Variants in DNAJC12 observed in about 807,000 individuals in gnomAD.
DNAJC12 encodes DnaJ heat shock protein family (Hsp40) member C12.
In DNAJC12, 25 loss-of-function variants were observed where a neutral mutation model predicts 28.5. That is an observed-to-expected ratio of 0.88 (90% CI 0.64 to 1.22). The LOEUF is 1.22. Ranked by LOEUF, DNAJC12 falls within the 50% of genes most tolerant of loss-of-function variation. The probability of loss-of-function intolerance (pLI) is 0.00; values close to 1 mark genes in which losing one functional copy is unlikely to be tolerated. For synonymous variants in DNAJC12, 77 were observed against 80.6 expected, an observed-to-expected ratio of 0.95 and a Z score of 0.24; for missense variants, 222 against 231.7, an observed-to-expected ratio of 0.96 and a Z score of 0.27.
chr10:67,827,973 C>G (rs144622114), intron 1 of DNAJC12, among the ~76,000 whole-genome samples: 2 of 152,242 alleles, frequency 1.3e-5, no homozygotes, highest in Non-Finnish European at 2.9e-5. Flanking sequence ...TCTGGCCTCC[C>G]TACTCCATGT....
chr10:67,821,235 G>A (rs1260428993), intron 2 of DNAJC12, among the ~76,000 whole-genome samples: 2 of 152,102 alleles, frequency 1.3e-5, no homozygotes, highest in African/African-American at 4.8e-5. Context: ...TAAGATATAA[G>A]GCCAGGCACA....
At chr10:67,821,021 G>A (rs1256598181) in intron 2 of DNAJC12, among the ~76,000 whole-genome samples, 3 of 151,388 alleles carry the variant, frequency 2.0e-5, no homozygotes, top group Non-Finnish European at 4.4e-5. Flanking sequence ...GACCTCAGGT[G>A]GTCCACCCAC....
chr10:67,804,665 G>A (rs1305905365), intron 4 of DNAJC12, among the ~76,000 whole-genome samples: 1 of 152,168 alleles, frequency 6.6e-6, no homozygotes. Context: ...GTAGCCAGGA[G>A]GTAAACTTCT....
intron 1 of DNAJC12, 108 bp downstream of exon 1, chr10:67,837,826 T>C (rs1842154411): frequency 4.0e-6 from 3 of 751,008 alleles, no homozygotes; most frequent in Non-Finnish European, 6.2e-6. Flanking sequence ...AAGGTTAGGT[T>C]TGTAGGCAAT....
chr10:67,815,244 T>C (rs1194226184), intron 2 of DNAJC12, among the ~76,000 whole-genome samples: 1 of 152,048 alleles, frequency 6.6e-6, no homozygotes, highest in Non-Finnish European at 1.5e-5. Context: ...CACGGTGGCT[T>C]ACACCTGTAA....
chr10:67,819,326 A>C (rs2131803848), intron 2 of DNAJC12, among the ~76,000 whole-genome samples: 1 of 151,540 alleles, frequency 6.6e-6, no homozygotes, highest in Admixed American at 6.6e-5. Flanking sequence ...CAGAGCGAGA[A>C]GCCGTCTCAA....
chr10:67,811,975 T>C (rs139571532), intron 2 of DNAJC12, among the ~76,000 whole-genome samples: 3 of 152,298 alleles, frequency 2.0e-5, no homozygotes, highest in Non-Finnish European at 4.4e-5. Context: ...TTGTAAACAT[T>C]GAAAAAATAC....
chr10:67,817,939 A>G (rs996829902), intron 2 of DNAJC12, among the ~76,000 whole-genome samples: 1 of 152,124 alleles, frequency 6.6e-6, no homozygotes, highest in Non-Finnish European at 1.5e-5. Flanking sequence ...ACAGCAGCTT[A>G]TCCCTGTAAT....
intron 4 of DNAJC12, among the ~76,000 whole-genome samples, chr10:67,801,938 T>C (rs1841750919): frequency 7.4e-6 from 1 of 134,502 alleles, no homozygotes; most frequent in Non-Finnish European, 1.5e-5. Context: ...CATAGCTCAC[T>C]GCAGCTTCAA....
In DNAJC12 at chr10:67,832,956, A is replaced by G. The variant is rs555100923; in HGVS notation, c.78+4978T>C. On this transcript the variant is annotated intron_variant, in intron 1 of 4. Transcript: ENST00000225171. ...CATCACTTCTGAGGAGTTCTTTCCAAAAATGCATAACCTCAATCTAATCAT... is the reference window on the plus strand; with the variant it reads ...CATCACTTCTGAGGAGTTCTTTCCAGAAATGCATAACCTCAATCTAATCAT... Among the ~76,000 whole-genome samples the G allele has an allele frequency of 8.5e-5, 13 of 152,310 alleles. No individual in the cohort carries two copies. In the East Asian group the frequency reaches 2.5e-3, roughly 29 times the overall value.
chr10:67,797,472 G>C (rs1280910643), intron 4 of DNAJC12, among the ~76,000 whole-genome samples: 2 of 152,100 alleles, frequency 1.3e-5, no homozygotes, highest in Non-Finnish European at 2.9e-5. Context: ...TGCCTCTGGT[G>C]GTGGGGAATT....
intron 4 of DNAJC12, among the ~76,000 whole-genome samples, chr10:67,803,171 T>C (rs980705531): frequency 6.6e-6 from 1 of 151,736 alleles, no homozygotes; most frequent in African/African-American, 2.4e-5. Context: ...AAAAAAAAAA[T>C]TTTATGAGGT....
intron 2 of DNAJC12, among the ~76,000 whole-genome samples, chr10:67,814,809 G>A (rs559406079): frequency 2.0e-5 from 3 of 152,140 alleles, no homozygotes; most frequent in Admixed American, 2.0e-4. Flanking sequence ...ACCATAGTGA[G>A]ATACCACTTT....
At chr10:67,823,513 C>A (rs990325161) in intron 1 of DNAJC12, 121 bp from the exon 2 acceptor site, 3 of 725,950 alleles carry the variant, frequency 4.1e-6, no homozygotes, top group South Asian at 3.3e-5. Flanking sequence ...CCAGCCTGGA[C>A]AACAAAGCAA....
chr10:67,797,913 G>A (rs779774368), intron 4 of DNAJC12, among the ~76,000 whole-genome samples: 15 of 151,830 alleles, frequency 9.9e-5, no homozygotes, highest in African/African-American at 1.5e-4. Context: ...GGTGGCGGGC[G>A]CCTGTACTCC....
chr10:67,797,709 G>A (rs1194353828), intron 4 of DNAJC12, among the ~76,000 whole-genome samples: 1 of 152,128 alleles, frequency 6.6e-6, no homozygotes, highest in Non-Finnish European at 1.5e-5. Context: ...AAACCCCTCT[G>A]GCAGGCAATT....
intron 1 of DNAJC12, among the ~76,000 whole-genome samples, chr10:67,834,554 C>T (rs181434548): frequency 7.2e-5 from 11 of 152,278 alleles, no homozygotes; most frequent in African/African-American, 2.6e-4. Flanking sequence ...AGAGGCCGGG[C>T]GCGGTGGCTC....
chr10:67,834,930 T>C (rs1013365738), intron 1 of DNAJC12, among the ~76,000 whole-genome samples: 2 of 152,208 alleles, frequency 1.3e-5, no homozygotes, highest in Non-Finnish European at 2.9e-5. Flanking sequence ...GTTTTCTATA[T>C]AACATGGAAA....
At chr10:67,800,702 T>C (rs1388550015) in intron 4 of DNAJC12, among the ~76,000 whole-genome samples, 3 of 152,116 alleles carry the variant, frequency 2.0e-5, no homozygotes, top group Non-Finnish European at 4.4e-5. Flanking sequence ...TCCCAGTGCT[T>C]TGGTGGGCCG....
Sources: gnomAD v4.1 joint callset for allele counts (sites outside exome capture counted in the v4.1 genomes callset) on GRCh38, gnomAD v4.1.1 for gene constraint, MANE v1.5 for transcripts, NCBI Gene and HGNC (gene_info 2026-07-23, HGNC 2026-07-21) for gene names.